TPR: variants seen among roughly 807,000 people sequenced by gnomAD.
The protein encoded by TPR is translocated promoter region, nuclear basket protein.
In TPR, 51 loss-of-function variants were observed where a neutral mutation model predicts 316.1. That is an observed-to-expected ratio of 0.16 (90% confidence interval 0.13 to 0.20). TPR has a LOEUF of 0.20. Among genes scored for constraint, TPR ranks in the 10% least tolerant of loss-of-function variants. The probability of loss-of-function intolerance (pLI) is 1.00; values close to 1 mark genes in which losing one functional copy is unlikely to be tolerated. For synonymous variants in TPR, 981 were observed against 914.7 expected (o/e 1.07, Z -1.31); for missense variants, 2,272 against 2,754.8 (o/e 0.82, Z 3.92).
At chr1:186,368,835 A>G (rs535303062) in intron 3 of TPR, among the ~76,000 whole-genome samples, 26 of 152,310 alleles carry the variant, frequency 1.7e-4, no homozygotes, top group Non-Finnish European at 2.8e-4. Context: ...GGCCAATGTC[A>G]AGAACCTTTC....
At chr1:186,353,149 A>AGG (rs1658915693) in intron 18 of TPR, among the ~76,000 whole-genome samples, 5 of 152,100 alleles carry the variant, frequency 3.3e-5, no homozygotes, top group Non-Finnish European at 7.4e-5. Context: ...AAGGCGGGCA[A>AGG]ATCACGAGGT....
chr1:186,318,907 TATTA>T, intron 46 of TPR, 79 bp from the exon 47 acceptor site: 1 of 1,335,012 alleles, frequency 7.5e-7, no homozygotes, highest in South Asian at 1.2e-5. Flanking sequence ...GAAAGAAAAA[TATTA>T]ATTATTGGAG....
chr1:186,332,141 AGTAC>A, intron 38 of TPR, 50 bp downstream of exon 38: 1 of 1,536,722 alleles, frequency 6.5e-7, no homozygotes. Context: ...AGCTGAAAAG[AGTAC>A]CTTAACTCTA....
chr1:186,325,732 T>C (rs746797474), intron 42 of TPR, 32 bp downstream of exon 42: 10 of 1,560,672 alleles, frequency 6.4e-6, no homozygotes, highest in Admixed American at 1.7e-5. Context: ...ACCAGAGATA[T>C]TCAATTCAAA....
intron 18 of TPR, among the ~76,000 whole-genome samples, chr1:186,353,275 G>A (rs1658924343): frequency 6.6e-6 from 1 of 152,056 alleles, no homozygotes; most frequent in Non-Finnish European, 1.5e-5. Context: ...AGGAGGTTGA[G>A]GCAGGAGAAT....
chr1:186,333,379 C>T lies in TPR; in HGVS notation c.5198G>A (p.Gly1733Glu). ...VESQEAMQSEGPVEHVPVFGS... is the reference protein window; with the variant it reads ...VESQEAMQSEEPVEHVPVFGS... ...AAAAACTGGAACATGTTCCACAGGCCCTTCTGACTGCATAGCTGAAAAATA... is the reference window on the plus strand; with the variant it reads ...AAAAACTGGAACATGTTCCACAGGCTCTTCTGACTGCATAGCTGAAAAATA... Residue 1733 changes from glycine (G) to glutamate (E), a missense_variant, in exon 37 of 51, where the codon GGG becomes GAG. By Grantham distance (98) the Gly-to-Glu change is moderately conservative (BLOSUM62 -2). Transcript: ENST00000367478. 6.2e-7 allele frequency: 1 copy of T among 1,613,268 alleles called. No individual in the cohort carries two copies. Among genetic ancestry groups the T allele is most frequent in the Non-Finnish European group, 8.5e-7 (1 of 1,179,476 alleles).
At chr1:186,324,615 C>G (rs1657862659) in intron 42 of TPR, among the ~76,000 whole-genome samples, 1 of 152,146 alleles carries the variant, frequency 6.6e-6, no homozygotes, top group Non-Finnish European at 1.5e-5. Context: ...TGCGACACCT[C>G]AAGTCACTTT....
At position 186,333,336 on chromosome 1, in the gene TPR, G is replaced by A. The variant is rs575105371; in HGVS notation, c.5241C>T (p.Ser1747=). Residue 1747 remains serine (S), a synonymous_variant, in exon 37 of 51, where the codon TCC becomes TCT. Transcript: ENST00000367478. ...GGACATTAGGACTAGTAGAACGAAC[G>A]GATCCACTTGTGCTTCCAAAAACTG... ...HVPVFGSTSG[S]VRSTSPNVQP... 139 of 1,613,554 alleles carry A rather than the reference G, an allele frequency of 8.6e-5. 2 individuals are homozygous for A. The South Asian group carries it at 1.1e-3, about 13-fold the overall frequency.
At chr1:186,325,519 G>A (rs191164845) in intron 42 of TPR, 5 of 345,832 alleles carry the variant, frequency 1.4e-5, no homozygotes, top group African/African-American at 4.2e-5. Flanking sequence ...TTATAATACC[G>A]TAAGGGTTAC....
chr1:186,360,535 G>GC (rs1236465851), intron 10 of TPR, among the ~76,000 whole-genome samples, 171 bp from the exon 11 acceptor site: 2 of 151,956 alleles, frequency 1.3e-5, no homozygotes, highest in African/African-American at 4.8e-5. Context: ...AAAAAATCAT[G>GC]CAATAACCTG....
intron 27 of TPR, 89 bp downstream of exon 27, chr1:186,343,231 CAAGTTA>C: frequency 6.9e-7 from 1 of 1,458,880 alleles, no homozygotes; most frequent in South Asian, 1.4e-5. Flanking sequence ...ATGCTTACTT[CAAGTTA>C]AATTTTACAT....
intron 27 of TPR, 72 bp from the exon 28 acceptor site, chr1:186,341,461 A>T: frequency 6.8e-7 from 1 of 1,462,480 alleles, no homozygotes; most frequent in Non-Finnish European, 9.2e-7. Flanking sequence ...CTATGAGCTC[A>T]AATCCTCCCT....
intron 11 of TPR, 138 bp from the exon 12 acceptor site, chr1:186,360,134 C>A: frequency 7.8e-7 from 1 of 1,287,298 alleles, no homozygotes; most frequent in Non-Finnish European, 1.1e-6. Flanking sequence ...GCACTAGGAA[C>A]CAAAGAAAGC....
rs1659061876 is a variant in TPR, at chr1:186,357,418, T to A, written c.1703A>T (p.Glu568Val). 2 of 1,613,874 alleles carry A rather than the reference T, an allele frequency of 1.2e-6. No homozygotes were observed. Among genetic ancestry groups the A allele is most frequent in the Admixed American group, 1.7e-5 (1 of 59,956 alleles). Residue 568 changes from glutamate to valine, a missense_variant, in exon 14 of 51, where the codon GAA becomes GTA. This residue lies in a region of TPR where 757 missense variants were observed against 859.8 expected (regional missense o/e 0.88). Coordinates refer to ENST00000367478, the MANE Select transcript of TPR (RefSeq NM_003292.3). ...RELGETREREEQETTSSKITE... is the reference protein window; with the variant it reads ...RELGETREREVQETTSSKITE... Reference sequence around the variant, plus strand: ...TTACTTGGATGAAGTTGTTTCTTGTTCTTCTCTTTCTCTGGTTTCCCCAAG... The same window carrying A: ...TTACTTGGATGAAGTTGTTTCTTGTACTTCTCTTTCTCTGGTTTCCCCAAG...
chr1:186,349,533 G>A (rs3124810), intron 21 of TPR, among the ~76,000 whole-genome samples: 5,443 of 151,502 alleles, frequency 0.036, 118 homozygotes, highest in Non-Finnish European at 0.048. Flanking sequence ...TGTGGCGGCC[G>A]CCTGTAGTCC....
At chr1:186,332,572 A>C (rs1571610142) in intron 37 of TPR, among the ~76,000 whole-genome samples, 1 of 152,142 alleles carries the variant, frequency 6.6e-6, no homozygotes, top group East Asian at 1.9e-4. Context: ...CAATGTTTTT[A>C]TACCAACCCA....
At chr1:186,368,584 T>C (rs1159863421) in intron 3 of TPR, among the ~76,000 whole-genome samples, 1 of 152,196 alleles carries the variant, frequency 6.6e-6, no homozygotes, top group Non-Finnish European at 1.5e-5. Context: ...CACTCTAGCC[T>C]GAGTGACAGA....
intron 35 of TPR, among the ~76,000 whole-genome samples, 198 bp from the exon 36 acceptor site, chr1:186,334,731 T>C (rs1658286626): frequency 2.0e-5 from 3 of 152,152 alleles, no homozygotes; most frequent in Admixed American, 2.0e-4. Flanking sequence ...AAAATGTATC[T>C]AGCTGTTGAA....
chr1:186,341,304 A>T lies in TPR; in HGVS notation c.3836T>A (p.Leu1279Gln). 6.2e-7 allele frequency: 1 copy of T among 1,614,034 alleles called. No individual in the cohort carries two copies. The highest frequency in any genetic ancestry group is 1.1e-5 in the South Asian group (1 of 91,082). Residue 1279 changes from leucine to glutamine, a missense_variant, in exon 28 of 51, where the codon CTA becomes CAA. Physicochemically the swap from Leu to Gln is moderately radical, Grantham distance 113. Transcript: ENST00000367478. ...TTCTAGTCTCTCCTTCTCTTCTCTT[A>T]GCATTTTATTGGTCTCCATAACTAC... The part of the protein sequence containing the change: ...MNVVMETNKM[L>Q]REEKERLEQD...
Sources: allele counts gnomAD v4.1 joint callset (sites outside exome capture counted in the v4.1 genomes callset), GRCh38; gene constraint gnomAD v4.1.1; regional missense constraint gnomAD v4.1.1; transcripts MANE v1.5; gene names NCBI Gene and HGNC (gene_info 2026-07-23, HGNC 2026-07-21).